The following XKR9 variants were observed in gnomAD, a reference collection of about 807,000 sequenced individuals.
The protein encoded by XKR9 is XK related 9, also known as XK-related protein 9.
A neutral mutation model predicts 32.0 loss-of-function variants in XKR9; 32 were observed. The ratio of observed to expected loss-of-function variants is 1.00; its 90% confidence interval spans 0.76 to 1.34. XKR9 has a LOEUF of 1.34. Ranked by LOEUF, XKR9 falls within the 40% of genes most tolerant of loss-of-function variation. The pLI, the probability that XKR9 is intolerant of heterozygous loss-of-function variation, is 0.00. For missense variants in XKR9, 546 were observed against 429.7 expected (o/e 1.27, Z -2.39); for synonymous variants, 168 against 143.4 (o/e 1.17, Z -1.22).
the XKR9 span, among the ~76,000 whole-genome samples, chr8:71,044,865 G>A: frequency 1.8e-4 from 27 of 152,266 alleles, no homozygotes; most frequent in African/African-American, 4.1e-4. Flanking sequence ...TACAACCAGC[G>A]TAGTTTATCA....
chr8:70,952,679 A>T, the XKR9 span, among the ~76,000 whole-genome samples: 1 of 152,184 alleles, frequency 6.6e-6, no homozygotes, highest in Admixed American at 6.5e-5. Flanking sequence ...GGGTCATGGA[A>T]GTTTGGTAGA....
chr8:70,789,714 GT>G (rs919996303), intron 3 of XKR9, among the ~76,000 whole-genome samples: 1 of 138,846 alleles, frequency 7.2e-6, no homozygotes, highest in Non-Finnish European at 1.6e-5. Flanking sequence ...ATGACCTATA[GT>G]TTTTTTTTAG....
chr8:70,719,808 G>C (rs1806216196), intron 4 of XKR9, among the ~76,000 whole-genome samples: 1 of 152,022 alleles, frequency 6.6e-6, no homozygotes, highest in Admixed American at 6.6e-5. Context: ...ATTTCAAGTA[G>C]TTTTTTGTAA....
the XKR9 span, among the ~76,000 whole-genome samples, chr8:71,055,551 C>A: frequency 6.6e-6 from 1 of 152,102 alleles, no homozygotes; most frequent in Non-Finnish European, 1.5e-5. Flanking sequence ...TGAAACAGAA[C>A]CCTCTTTGAT....
At chr8:71,051,528 G>GTGT in the XKR9 span, among the ~76,000 whole-genome samples, 13 of 40,304 alleles carry the variant, frequency 3.2e-4, no homozygotes, top group East Asian at 1.6e-3. Flanking sequence ...GTGGTGGTGG[G>GTGT]GTGTGTGTGT....
chr8:70,688,098 T>G (rs941830657), intron 3 of XKR9, among the ~76,000 whole-genome samples: 15 of 152,224 alleles, frequency 9.9e-5, no homozygotes, highest in Admixed American at 2.0e-4. Flanking sequence ...CACACAAAGG[T>G]CAGTCTTAGG....
chr8:70,763,571 A>AT (rs1198945529), intron 2 of XKR9, among the ~76,000 whole-genome samples: 1 of 152,192 alleles, frequency 6.6e-6, no homozygotes, highest in Non-Finnish European at 1.5e-5. Flanking sequence ...TCCATAAACA[A>AT]TGTATATATT....
chr8:71,014,814 A>G, the XKR9 span, among the ~76,000 whole-genome samples: 1 of 152,186 alleles, frequency 6.6e-6, no homozygotes, highest in South Asian at 2.1e-4. Flanking sequence ...CTTATAATGT[A>G]GAATGGTTCA....
the XKR9 span, among the ~76,000 whole-genome samples, chr8:70,966,756 G>T: frequency 4.6e-5 from 7 of 152,136 alleles, no homozygotes; most frequent in East Asian, 1.9e-4. Context: ...GGGAGTCTAA[G>T]TCTCTTTGTA....
At chr8:71,012,391 G>A in the XKR9 span, among the ~76,000 whole-genome samples, 1 of 152,058 alleles carries the variant, frequency 6.6e-6, no homozygotes, top group East Asian at 1.9e-4. Flanking sequence ...GGTGGCTATG[G>A]GTGTGTTTGA....
chr8:71,034,788 C>T, the XKR9 span, among the ~76,000 whole-genome samples: 33 of 152,238 alleles, frequency 2.2e-4, no homozygotes, highest in Admixed American at 1.4e-3. Flanking sequence ...CCACTAGATT[C>T]CTCACCCAAG....
In XKR9 at chr8:70,778,629, A is replaced by C. The variant is rs1386450747; in HGVS notation, n.353-10710A>C. Among the ~76,000 whole-genome samples, 3 of 152,208 alleles carry C rather than the reference A, an allele frequency of 2.0e-5. No homozygotes were observed. In the East Asian group the frequency reaches 5.8e-4, roughly 29 times the overall value. ...TGTGTCCTCTTTTATTTTGCTGAGC[A>C]GTGGTTTGTAGTTCTCCTTGAAGAG... On this transcript the variant is annotated intron_variant and non_coding_transcript_variant, in intron 2 of 3. Coordinates refer to the XKR9 transcript ENST00000520273.
chr8:71,021,002 C>T, the XKR9 span, among the ~76,000 whole-genome samples: 1 of 152,136 alleles, frequency 6.6e-6, no homozygotes, highest in Non-Finnish European at 1.5e-5. Flanking sequence ...GTGCTGGCAT[C>T]TGCTTGACTT....
the XKR9 span, among the ~76,000 whole-genome samples, chr8:70,843,833 A>G: frequency 6.6e-6 from 1 of 152,156 alleles, no homozygotes; most frequent in South Asian, 2.1e-4. Context: ...CCTCCTGAGT[A>G]CCAAGCAGAT....
In XKR9 at chr8:70,734,188, C is replaced by T; in HGVS notation, c.886C>T (p.Leu296=). ...PMSCYYIVRV[L]GTLGILTVFW... ...GTCTTGTTATTATATTGTTAGGGTACTGGGCACTTTGGGGATATTGACTGT... is the reference window on the plus strand; with the variant it reads ...GTCTTGTTATTATATTGTTAGGGTATTGGGCACTTTGGGGATATTGACTGT... Residue 296 remains leucine, a synonymous_variant, in exon 5 of 5, where the codon CTG becomes TTG. Coordinates refer to ENST00000408926, the MANE Select transcript of XKR9 (RefSeq NM_001011720.2). 1 of 1,613,408 alleles carries T rather than the reference C, an allele frequency of 6.2e-7. No individual in the cohort carries two copies. The highest frequency in any genetic ancestry group is 1.3e-5 in the African/African-American group (1 of 75,024).
the XKR9 span, among the ~76,000 whole-genome samples, chr8:70,972,475 G>T: frequency 4.6e-5 from 7 of 152,082 alleles, no homozygotes; most frequent in Non-Finnish European, 1.0e-4. Flanking sequence ...ATGTCTGAGT[G>T]CTTTGGCTGG....
the XKR9 span, among the ~76,000 whole-genome samples, chr8:70,979,480 T>C: frequency 6.6e-6 from 1 of 152,220 alleles, no homozygotes; most frequent in East Asian, 1.9e-4. Context: ...TAGTTTTCCT[T>C]CTAACAGTCA....
chr8:70,747,032 T>C (rs891443809), intron 2 of XKR9, among the ~76,000 whole-genome samples: 1 of 152,216 alleles, frequency 6.6e-6, no homozygotes, highest in African/African-American at 2.4e-5. Flanking sequence ...TGTTTCTGTG[T>C]TAATTCACTT....
intron 4 of XKR9, among the ~76,000 whole-genome samples, chr8:70,720,477 A>G (rs529130533): frequency 2.0e-5 from 3 of 152,338 alleles, no homozygotes; most frequent in African/African-American, 4.8e-5. Context: ...TGTTTCATCA[A>G]TACCTAGTTT....
Sources: gnomAD v4.1 joint callset for allele counts (sites outside exome capture counted in the v4.1 genomes callset) on GRCh38, gnomAD v4.1.1 for gene constraint, MANE v1.5 for transcripts, NCBI Gene and HGNC (gene_info 2026-07-23, HGNC 2026-07-21) for gene names.